Variants in ZNF107 observed in about 807,000 individuals in gnomAD.
The protein encoded by ZNF107 is C2H2 type zinc-finger protein.
In ZNF107, 19 loss-of-function variants were observed where a neutral mutation model predicts 12.3. The ratio of observed to expected loss-of-function variants is 1.55; its 90% CI spans 1.08 to 2.27. ZNF107 has a LOEUF of 2.27. Ranked by LOEUF, ZNF107 falls within the 30% of genes most tolerant of loss-of-function variation. The pLI, the probability that ZNF107 is intolerant of heterozygous loss-of-function variation, is 0.00. For missense variants in ZNF107, 958 were observed against 979.9 expected (o/e 0.98, Z 0.30); for synonymous variants, 317 against 330.5 (o/e 0.96, Z 0.44).
intron 1 of ZNF107, among the ~76,000 whole-genome samples, chr7:64,688,550 A>G (rs1379563025): frequency 1.3e-5 from 2 of 151,674 alleles, no homozygotes; most frequent in Non-Finnish European, 2.9e-5. Context: ...GAGCCACCAC[A>G]CCCAACCCCT....
At position 64,710,583 on chromosome 7, in the gene ZNF107, AAGT is replaced by A. The variant is rs1286845062; in HGVS notation, c.*1930_*1932del. 19 of 152,148 alleles carry A rather than the reference AAGT, an allele frequency of 1.2e-4. No individual in the cohort carries two copies. The highest frequency in any genetic ancestry group is 1.8e-4 in the Non-Finnish European group (12 of 68,002). 9.4% of individuals were successfully genotyped at this position (152,148 alleles called of 1,614,324 possible). A position where few individuals can be genotyped will look rare whatever the true frequency, so the allele number is the denominator to read the frequency against. On this transcript the variant is annotated 3_prime_UTR_variant, in exon 4 of 4. Transcript: ENST00000620827. The stretch of plus-strand genomic sequence containing the variant: ...AATAATGTGTATATAACTTTAAAAG[AAGT>A]AGAATTTTTTTGTAGATGTATAATT...
chr7:64,681,246 G>A lies in ZNF107; in HGVS notation c.4-10002G>A, dbSNP rs118093662. On this transcript the variant is annotated intron_variant, in intron 1 of 3. Coordinates refer to ENST00000620827, the MANE Select transcript of ZNF107 (RefSeq NM_001282359.2). ...GGGTAAGTCCATCCCCTTTTTGATC[G>A]ATATGGGGGCCACTCACTCCACCCT... is the stretch of plus-strand genomic sequence containing the variant. Among the ~76,000 whole-genome samples the A allele has an allele frequency of 1.7e-3, 264 of 151,914 alleles. 1 individual carries two copies. The highest frequency in any genetic ancestry group is 3.1e-3 in the Non-Finnish European group (212 of 67,932).
chr7:64,695,853 T>C (rs1241773043), intron 3 of ZNF107, among the ~76,000 whole-genome samples: 1 of 152,198 alleles, frequency 6.6e-6, no homozygotes. Context: ...TTTATAATTC[T>C]ATATTTTTTT....
At chr7:64,667,976 A>G (rs1789069277) in intron 1 of ZNF107, among the ~76,000 whole-genome samples, 1 of 148,316 alleles carries the variant, frequency 6.7e-6, no homozygotes, top group Non-Finnish European at 1.5e-5. Context: ...ATCAAACTTG[A>G]CCCCAGTGAG....
chr7:64,706,469 G>C lies in ZNF107; in HGVS notation c.372G>C (p.Thr124=), dbSNP rs766784439. 1 of 1,613,326 alleles carries C rather than the reference G, an allele frequency of 6.2e-7. No homozygotes were observed. The change falls in exon 4 of 4, where the codon ACG becomes ACC. Residue 124 remains threonine (T), a synonymous_variant. Transcript: ENST00000620827. Reference sequence around the variant, plus strand: ...GCTGTAAACATGTGGATGAGTGTACGGGGCACAAAGGAGGTCATAATACAG... The same window carrying C: ...GCTGTAAACATGTGGATGAGTGTACCGGGCACAAAGGAGGTCATAATACAG... The part of the protein sequence containing the change: ...RKGCKHVDEC[T]GHKGGHNTVN...
Position 64,707,968 on chromosome 7 carries a change from A to G in ZNF107, c.1871A>G (p.Glu624Gly), listed in dbSNP as rs770542503. Residue 624 changes from glutamate to glycine, a missense_variant, in exon 4 of 4, where the codon GAA (glutamate) becomes GGA (glycine). Coordinates refer to ENST00000620827, the MANE Select transcript of ZNF107 (RefSeq NM_001282359.2). ...IHTGEKPYKC[E>G]EHGKVFNQSS... Reference sequence around the variant, plus strand: ...ACTGGAGAGAAACCCTACAAATGTGAAGAACATGGCAAAGTTTTTAACCAG... The same window carrying G: ...ACTGGAGAGAAACCCTACAAATGTGGAGAACATGGCAAAGTTTTTAACCAG... 4.3e-6 allele frequency: 7 copies of G among 1,613,504 alleles called. No homozygotes were observed. The South Asian group carries it at 5.5e-5, about 13-fold the overall frequency.
chr7:64,701,033 T>G (rs1790460106), intron 3 of ZNF107, among the ~76,000 whole-genome samples: 1 of 152,230 alleles, frequency 6.6e-6, no homozygotes. Context: ...TCTTTATATA[T>G]TTTGAAGCCC....
intron 1 of ZNF107, among the ~76,000 whole-genome samples, chr7:64,676,238 TTG>T (rs1018336311): frequency 2.0e-5 from 3 of 152,168 alleles, no homozygotes; most frequent in African/African-American, 7.2e-5. Context: ...TGATCTAAGT[TTG>T]TGGTTGGTAT....
intron 1 of ZNF107, among the ~76,000 whole-genome samples, chr7:64,688,612 T>C (rs1790009775): frequency 1.3e-5 from 2 of 152,184 alleles, no homozygotes; most frequent in South Asian, 4.1e-4. Flanking sequence ...CTACTGCTAC[T>C]GCACCCATCC....
intron 1 of ZNF107, among the ~76,000 whole-genome samples, chr7:64,667,768 C>T (rs561116144): frequency 5.9e-5 from 9 of 152,144 alleles, no homozygotes; most frequent in Non-Finnish European, 1.3e-4. Context: ...CTGGTATACC[C>T]TTCCTTTGGA....
chr7:64,669,467 C>G (rs1401094019), intron 1 of ZNF107, among the ~76,000 whole-genome samples: 1 of 152,056 alleles, frequency 6.6e-6, no homozygotes, highest in East Asian at 1.9e-4. Context: ...CTTTGCATTT[C>G]TTACTGAGGT....
intron 1 of ZNF107, among the ~76,000 whole-genome samples, chr7:64,677,096 A>C (rs75914157): frequency 0.047 from 7,130 of 151,936 alleles, 450 homozygotes; most frequent in African/African-American, 0.14. Context: ...TCCAGGGCAC[A>C]CCTCCTTAAC....
intron 1 of ZNF107, chr7:64,684,611 T>C (rs1267028168): frequency 2.0e-6 from 2 of 985,246 alleles, no homozygotes; most frequent in African/African-American, 3.5e-5. Flanking sequence ...GAAACTTAAA[T>C]GTCCTGCTCC....
intron 3 of ZNF107, among the ~76,000 whole-genome samples, chr7:64,693,165 A>ATTTTTTTTTTTTT (rs34734604): frequency 1.0e-4 from 11 of 110,112 alleles, no homozygotes; most frequent in South Asian, 3.4e-4. Flanking sequence ...CACTCAGCTA[A>ATTTTTTTTTTTTT]TTTTTTTTTT....
At chr7:64,695,226 A>T (rs1790250889) in intron 3 of ZNF107, among the ~76,000 whole-genome samples, 1 of 152,122 alleles carries the variant, frequency 6.6e-6, no homozygotes, top group Non-Finnish European at 1.5e-5. Context: ...TAAATATCAG[A>T]ATTATCTCCA....
At position 64,707,283 on chromosome 7, in the gene ZNF107, C is replaced by A; in HGVS notation, c.1186C>A (p.Pro396Thr). ...AHKKILMEEK[P>T]YKCEECGKVF... ...TAAGAAAATTCTAATGGAAGAGAAA[C>A]CCTACAAATGTGAAGAATGTGGCAA... The change falls in exon 4 of 4, where the codon CCC becomes ACC. Residue 396 changes from proline (P) to threonine (T), a missense_variant. Physicochemically the swap from Pro to Thr is conservative, Grantham distance 38. Coordinates refer to ENST00000620827, the MANE Select transcript of ZNF107 (RefSeq NM_001282359.2). The A allele has an allele frequency of 6.2e-7, 1 of 1,613,204 alleles. No homozygotes were observed.
At chr7:64,675,097 T>TATCATATG (rs1194807095) in intron 1 of ZNF107, among the ~76,000 whole-genome samples, 2 of 152,214 alleles carry the variant, frequency 1.3e-5, no homozygotes, top group Non-Finnish European at 2.9e-5. Flanking sequence ...CAGGTTTTGG[T>TATCATATG]ATCATATGAT....
chr7:64,683,033 G>T (rs544309285), intron 1 of ZNF107, among the ~76,000 whole-genome samples: 2 of 152,164 alleles, frequency 1.3e-5, no homozygotes, highest in East Asian at 3.9e-4. Flanking sequence ...ACCAATTTTC[G>T]CCAGCCAAGG....
intron 1 of ZNF107, chr7:64,687,629 C>T (rs1387356478): frequency 1.1e-6 from 1 of 935,130 alleles, no homozygotes; most frequent in Non-Finnish European, 1.3e-6. Flanking sequence ...TTGATTATAA[C>T]CAATTAGCAT....
Sources: gnomAD v4.1 joint callset for allele counts (sites outside exome capture counted in the v4.1 genomes callset) on GRCh38, gnomAD v4.1.1 for gene constraint, MANE v1.5 for transcripts, NCBI Gene and HGNC (gene_info 2026-07-23, HGNC 2026-07-21) for gene names.